The following LRRK1 variants were observed in gnomAD, a reference collection of about 807,000 sequenced individuals.
LRRK1 encodes leucine rich repeat kinase 1, also known as leucine-rich repeat serine/threonine-protein kinase 1.
LRRK1 carries 113 observed loss-of-function variants against 209.1 expected under a neutral mutation model. The observed-to-expected ratio is 0.54, with a 90% confidence interval of 0.46 to 0.63. The LOEUF is 0.63. Ranked by LOEUF, LRRK1 falls within the 30% of genes least tolerant of loss-of-function variation. The probability of loss-of-function intolerance (pLI) is 0.00; values close to 1 mark genes in which losing one functional copy is unlikely to be tolerated. For synonymous variants in LRRK1, 1,144 were observed against 1,099.7 expected (o/e 1.04, Z -0.80); for missense variants, 2,284 against 2,632.2 (o/e 0.87, Z 2.89).
intron 2 of LRRK1, among the ~76,000 whole-genome samples, chr15:100,938,844 G>C (rs540493922): frequency 1.3e-5 from 2 of 152,180 alleles, no homozygotes; most frequent in South Asian, 4.1e-4. Context: ...GTAATCCTAG[G>C]ACTTTAGGAG....
chr15:101,015,086 T>G (rs1050052852), intron 11 of LRRK1, among the ~76,000 whole-genome samples: 5 of 152,066 alleles, frequency 3.3e-5, no homozygotes, highest in Non-Finnish European at 5.9e-5. Context: ...GCCCCCGTTA[T>G]CTGCAGAAGG....
chr15:101,052,278 T>G (rs986916057), intron 24 of LRRK1, among the ~76,000 whole-genome samples: 4 of 152,160 alleles, frequency 2.6e-5, no homozygotes, highest in African/African-American at 9.7e-5. Flanking sequence ...GCCTCTCCTT[T>G]CCACTCCTAC....
At chr15:101,029,313 T>G in intron 20 of LRRK1, 81 bp downstream of exon 20, 1 of 1,377,614 alleles carries the variant, frequency 7.3e-7, no homozygotes, top group Non-Finnish European at 9.8e-7. Flanking sequence ...ACTGGTGGCC[T>G]GAACAAGATT....
At chr15:101,063,066 G>C (rs546468278) in intron 31 of LRRK1, among the ~76,000 whole-genome samples, 10 of 152,238 alleles carry the variant, frequency 6.6e-5, no homozygotes, top group African/African-American at 1.9e-4. Context: ...ACAGCCACTT[G>C]ATCACCAGGT....
At chr15:101,053,477 C>T in intron 26 of LRRK1, 57 bp downstream of exon 26, 1 of 1,453,024 alleles carries the variant, frequency 6.9e-7, no homozygotes. Context: ...CCGGGCGCCT[C>T]CTGCCTGGCA....
chr15:101,014,385 A>G lies in LRRK1; in HGVS notation c.1489A>G (p.Arg497Gly). ...TCCACCTCAAGAGAAGTGGACCTGC[A>G]GGCAGCTCAAAACCCTGGATCTCTC... ...ALPPQEKWTC[R>G]QLKTLDLSRN... Residue 497 changes from arginine (R) to glycine (G), a missense_variant, in exon 11 of 34, where the codon AGG becomes GGG. This residue lies in a region of LRRK1 where 494 missense variants were observed against 522.1 expected (regional missense o/e 0.95). Coordinates refer to ENST00000388948, the MANE Select transcript of LRRK1 (RefSeq NM_024652.6). 6.2e-7 allele frequency: 1 copy of G among 1,614,040 alleles called. No homozygotes were observed. Among genetic ancestry groups the G allele is most frequent in the Non-Finnish European group, 8.5e-7 (1 of 1,179,956 alleles).
rs995452288 is a variant in LRRK1, at chr15:100,980,634, A to G, written c.262-2894A>G. Among the ~76,000 whole-genome samples, 7 of 152,242 alleles carry G rather than the reference A, an allele frequency of 4.6e-5. No homozygotes were observed. In the East Asian group the frequency reaches 5.8e-4, roughly 13 times the overall value. ...CATCGGGGGAAACTGGATGAAGGAT[A>G]CTAGGGTTTTCTCAGTACTATCTTT... On this transcript the variant is annotated intron_variant, in intron 3 of 33. Coordinates refer to ENST00000388948, the MANE Select transcript of LRRK1 (RefSeq NM_024652.6).
chr15:100,948,322 G>A (rs554241411), intron 2 of LRRK1, among the ~76,000 whole-genome samples: 16 of 152,286 alleles, frequency 1.1e-4, no homozygotes, highest in Admixed American at 7.2e-4. Context: ...AGGCAGAGGC[G>A]GCCAGATGGG....
chr15:101,016,978 A>G (rs1202203669), intron 12 of LRRK1, among the ~76,000 whole-genome samples: 1 of 152,186 alleles, frequency 6.6e-6, no homozygotes, highest in Non-Finnish European at 1.5e-5. Flanking sequence ...TTTTTGTTCC[A>G]TTATCTTCTG....
intron 3 of LRRK1, 40 bp from the exon 4 acceptor site, chr15:100,983,488 T>C: frequency 1.3e-6 from 2 of 1,526,888 alleles, no homozygotes; most frequent in Non-Finnish European, 1.8e-6. Flanking sequence ...CAGTTCCTAA[T>C]AGAGCCAGTC....
Position 101,022,262 on chromosome 15 carries a change from T to C in LRRK1, c.1853-121T>C. The C allele has an allele frequency of 2.0e-6, 2 of 977,182 alleles. No homozygotes were observed. Among genetic ancestry groups the C allele is most frequent in the South Asian group, 1.5e-5 (1 of 66,862 alleles). The allele number at this position is 977,182 out of a possible 1,614,324, so 60.5% of individuals were successfully genotyped here. On this transcript the variant is annotated intron_variant, in intron 14 of 33. Transcript: ENST00000388948. The surrounding 1 kb of genome is among the most constrained non-coding windows in gnomAD (Gnocchi z 4.0). The stretch of plus-strand genomic sequence containing the variant: ...GCCTTCCCTCCCCCTGATCCAGTAG[T>C]CTTCCTTAACTGTCCCCACTAAAAC...
chr15:101,005,767 A>G (rs1032480828), intron 6 of LRRK1, among the ~76,000 whole-genome samples: 4 of 151,806 alleles, frequency 2.6e-5, no homozygotes, highest in East Asian at 1.9e-4. Context: ...CCCTGGACAA[A>G]TTGGGGATGA....
intron 29 of LRRK1, among the ~76,000 whole-genome samples, chr15:101,059,288 C>T (rs1040260212): frequency 6.6e-6 from 1 of 152,074 alleles, no homozygotes; most frequent in African/African-American, 2.4e-5. Flanking sequence ...GTCCCTGCTA[C>T]TCAGGAGGCT....
At chr15:101,049,976 G>A (rs1366657426) in intron 23 of LRRK1, among the ~76,000 whole-genome samples, 193 bp downstream of exon 23, 1 of 152,056 alleles carries the variant, frequency 6.6e-6, no homozygotes, top group East Asian at 1.9e-4. Flanking sequence ...GGAGTCCCAC[G>A]GGGAGGACTG....
intron 3 of LRRK1, among the ~76,000 whole-genome samples, chr15:100,980,449 G>A (rs12442816): frequency 0.22 from 33,990 of 152,074 alleles, 4,074 homozygotes; most frequent in East Asian, 0.5. Context: ...CCATGGGTGC[G>A]TGGCATGAGG....
chr15:100,999,644 A>G (rs1320613575), intron 6 of LRRK1, among the ~76,000 whole-genome samples: 1 of 152,250 alleles, frequency 6.6e-6, no homozygotes, highest in Admixed American at 6.5e-5. Context: ...CATAGGAACT[A>G]TTTGTTATTT....
At chr15:100,998,541 A>G (rs1279428340) in intron 6 of LRRK1, among the ~76,000 whole-genome samples, 1 of 151,544 alleles carries the variant, frequency 6.6e-6, no homozygotes, top group East Asian at 1.9e-4. Flanking sequence ...TCCTCAAAGC[A>G]GAAACCTTGG....
At chr15:100,960,688 G>T (rs1393624581) in intron 2 of LRRK1, among the ~76,000 whole-genome samples, 1 of 152,148 alleles carries the variant, frequency 6.6e-6, no homozygotes, top group Non-Finnish European at 1.5e-5. Flanking sequence ...CTCTTTCTGT[G>T]TGTCTCAGCA....
At chr15:101,026,675 A>T (rs985464650) in intron 17 of LRRK1, among the ~76,000 whole-genome samples, 3 of 152,164 alleles carry the variant, frequency 2.0e-5, no homozygotes, top group Non-Finnish European at 4.4e-5. Flanking sequence ...GGTTGTGGGG[A>T]TTGTTTGCCA....
Sources: gnomAD v4.1 joint callset for allele counts (sites outside exome capture counted in the v4.1 genomes callset) on GRCh38, gnomAD v4.1.1 for gene constraint, gnomAD v4.1.1 regional missense constraint, Gnocchi (gnomAD v3.1) non-coding constraint, MANE v1.5 for transcripts, NCBI Gene and HGNC (gene_info 2026-07-23, HGNC 2026-07-21) for gene names.